SYT6: variants seen among roughly 807,000 people sequenced by gnomAD.
SYT6 encodes synaptotagmin 6, also known as synaptotagmin-6.
In SYT6, 24 loss-of-function variants were observed where a neutral mutation model predicts 38.4. The observed-to-expected ratio is 0.62, with a 90% CI of 0.45 to 0.88. The LOEUF is 0.88. SYT6 is among the 40% of genes least tolerant of loss of function. The pLI, the probability that SYT6 is intolerant of heterozygous loss-of-function variation, is 0.00. For synonymous variants in SYT6, 265 were observed against 241.9 expected (o/e 1.10, Z -0.89); for missense variants, 611 against 621.0 (o/e 0.98, Z 0.17).
At chr1:114,143,261 C>G (rs1439605770) in intron 1 of SYT6, among the ~76,000 whole-genome samples, 1 of 148,282 alleles carries the variant, frequency 6.7e-6, no homozygotes, top group Non-Finnish European at 1.5e-5. Context: ...ATAAAATATA[C>G]TTTAGTCTAT....
chr1:114,137,693 G>A lies in SYT6; in HGVS notation c.873C>T (p.Asn291=), dbSNP rs149048798. 7.7e-4 allele frequency: 1,239 copies of A among 1,613,918 alleles called. 10 individuals carry two copies. In the African/African-American group the frequency reaches 0.015, roughly 19 times the overall value. The change falls in exon 3 of 8, where the codon AAC becomes AAT. Residue 291 remains asparagine, a synonymous_variant. Transcript: ENST00000610222. Reference sequence around the variant, plus strand: ...AGTGGAAGTTCTCATCAAAGGTGGGGTTCAGGGTCTTGCGGTGCACCCGGG... The same window carrying A: ...AGTGGAAGTTCTCATCAAAGGTGGGATTCAGGGTCTTGCGGTGCACCCGGG... The part of the protein sequence containing the change: ...LQTRVHRKTL[N]PTFDENFHFP...
At chr1:114,132,858 T>G (rs1678234545) in intron 3 of SYT6, among the ~76,000 whole-genome samples, 1 of 152,208 alleles carries the variant, frequency 6.6e-6, no homozygotes, top group Admixed American at 6.5e-5. Flanking sequence ...AAGCCATTAT[T>G]AATCCCCATC....
rs893985774 is a variant in SYT6, at chr1:114,103,726, A to G, written c.1072-5T>C. On this transcript the variant is annotated splice_region_variant and splice_polypyrimidine_tract_variant and intron_variant, in intron 3 of 7. Transcript: ENST00000610222. ...CTCTCCCAAGTCCACGCTTTCCTGC[A>G]AAGAAGCACACAAGAGGGCAGATGA... is the stretch of plus-strand genomic sequence containing the variant. The G allele has an allele frequency of 3.7e-6, 6 of 1,612,750 alleles. No homozygotes were observed. Among genetic ancestry groups the G allele is most frequent in the Non-Finnish European group, 5.1e-6 (6 of 1,179,410 alleles).
chr1:114,098,397 T>G (rs1675775559), intron 5 of SYT6, among the ~76,000 whole-genome samples: 1 of 152,204 alleles, frequency 6.6e-6, no homozygotes, highest in Admixed American at 6.5e-5. Flanking sequence ...TCTTTCTCCT[T>G]TAGCTAAAGT....
intron 3 of SYT6, among the ~76,000 whole-genome samples, chr1:114,112,952 T>C (rs772619035): frequency 2.0e-5 from 3 of 152,136 alleles, no homozygotes; most frequent in Non-Finnish European, 4.4e-5. Context: ...TTGGTCCTGG[T>C]TTCCTGATGA....
intron 3 of SYT6, among the ~76,000 whole-genome samples, chr1:114,121,556 C>T (rs929496788): frequency 3.9e-5 from 6 of 152,088 alleles, no homozygotes; most frequent in Admixed American, 6.5e-5. Flanking sequence ...TATAGTGAAA[C>T]GTATTTTTTG....
chr1:114,113,096 T>C (rs1676783075), intron 3 of SYT6, among the ~76,000 whole-genome samples: 1 of 152,198 alleles, frequency 6.6e-6, no homozygotes, highest in Non-Finnish European at 1.5e-5. Context: ...CATCATCTCT[T>C]TGGGGACAGT....
Position 114,146,856 on chromosome 1 carries a change from A to T in SYT6, c.163+6754T>A, listed in dbSNP as rs145073015. Among the ~76,000 whole-genome samples the T allele has an allele frequency of 6.7e-4, 102 of 152,290 alleles. 1 individual carries two copies. Among genetic ancestry groups the T allele is most frequent in the African/African-American group, 2.3e-3 (97 of 41,558 alleles). On this transcript the variant is annotated intron_variant, in intron 1 of 7. Transcript: ENST00000610222. ...CTCAGCCTCAGTTTCCTCATCTATAAATTGGGGGTAATAATAGTATCTACC... is the reference window on the plus strand; with the variant it reads ...CTCAGCCTCAGTTTCCTCATCTATATATTGGGGGTAATAATAGTATCTACC...
rs558083441 is a variant in SYT6 at position 114,143,522 on chromosome 1, G to A, written c.164-3559C>T. Among the ~76,000 whole-genome samples the A allele has an allele frequency of 4.9e-3, 715 of 147,334 alleles. 5 individuals are homozygous for A. The highest frequency in any genetic ancestry group is 8.2e-3 in the Non-Finnish European group (554 of 67,208). On this transcript the variant is annotated intron_variant, in intron 1 of 7. Transcript: ENST00000610222. Reference sequence around the variant, plus strand: ...TATAAGTTATATATAACTTATATGTGTATATATACATATAAGTTATATATA... The same window carrying A: ...TATAAGTTATATATAACTTATATGTATATATATACATATAAGTTATATATA...
At chr1:114,119,253 TCCC>T (rs1677223464) in intron 3 of SYT6, among the ~76,000 whole-genome samples, 1 of 152,168 alleles carries the variant, frequency 6.6e-6, no homozygotes, top group South Asian at 2.1e-4. Context: ...GTTTTCCAGC[TCCC>T]AGGCTAAGCT....
At chr1:114,114,033 C>G (rs1676846998) in intron 3 of SYT6, among the ~76,000 whole-genome samples, 1 of 152,178 alleles carries the variant, frequency 6.6e-6, no homozygotes, top group South Asian at 2.1e-4. Context: ...TTCTCTTCCT[C>G]TGATTGACCG....
chr1:114,096,981 TA>T (rs1230136327), intron 6 of SYT6, among the ~76,000 whole-genome samples: 1 of 152,212 alleles, frequency 6.6e-6, no homozygotes, highest in Non-Finnish European at 1.5e-5. Context: ...TACAGGATCC[TA>T]AGTCGGTGGG....
rs621550 is a variant in SYT6, at chr1:114,093,759, C to T, written c.*27G>A. Reference sequence around the variant, plus strand: ...CTCCTAACTCCAGGTGGCAGTCTCTCTGCTTGCAGCATCCACGTGAATGAA... The same window carrying T: ...CTCCTAACTCCAGGTGGCAGTCTCTTTGCTTGCAGCATCCACGTGAATGAA... On this transcript the variant is annotated 3_prime_UTR_variant, in exon 7 of 8. Coordinates refer to ENST00000610222, the MANE Select transcript of SYT6 (RefSeq NM_001253772.2). 3 of 1,613,924 alleles carry T rather than the reference C, an allele frequency of 1.9e-6. No individual in the cohort carries two copies. Among genetic ancestry groups the T allele is most frequent in the Non-Finnish European group, 2.5e-6 (3 of 1,179,978 alleles).
intron 1 of SYT6, among the ~76,000 whole-genome samples, chr1:114,146,990 C>T (rs781100643): frequency 1.2e-4 from 18 of 152,174 alleles, no homozygotes; most frequent in Non-Finnish European, 2.6e-4. Context: ...ATTAGTTATG[C>T]CCAGCCCAAT....
chr1:114,096,493 T>C (rs957247734), intron 6 of SYT6, among the ~76,000 whole-genome samples: 4 of 152,218 alleles, frequency 2.6e-5, no homozygotes, highest in African/African-American at 4.8e-5. Flanking sequence ...TCAATTAGCC[T>C]GTCCTCCATC....
At chr1:114,135,579 G>A (rs944606483) in intron 3 of SYT6, among the ~76,000 whole-genome samples, 1 of 152,168 alleles carries the variant, frequency 6.6e-6, no homozygotes, top group Non-Finnish European at 1.5e-5. Context: ...CAGAAGCCAG[G>A]TGGGGGAAGT....
intron 3 of SYT6, among the ~76,000 whole-genome samples, chr1:114,115,358 G>T (rs1295829996): frequency 6.6e-6 from 1 of 152,082 alleles, no homozygotes; most frequent in Non-Finnish European, 1.5e-5. Context: ...AAAGTCAAGA[G>T]AGGAGGAGAT....
rs182961881 is a variant in SYT6 at position 114,108,804 on chromosome 1, A to G, written c.1072-5083T>C. 2.0e-5 allele frequency among the ~76,000 whole-genome samples: 3 copies of G among 152,332 alleles called. No homozygotes were observed. In the East Asian group the frequency reaches 5.8e-4, roughly 29 times the overall value. On this transcript the variant is annotated intron_variant, in intron 3 of 7. Transcript: ENST00000610222. Reference sequence around the variant, plus strand: ...CAGTGCCTGTGAGTCCATCTTGGGAATGCAGGCTAAGCAAAGCAAGAACAA... The same window carrying G: ...CAGTGCCTGTGAGTCCATCTTGGGAGTGCAGGCTAAGCAAAGCAAGAACAA...
intron 3 of SYT6, among the ~76,000 whole-genome samples, chr1:114,110,123 A>G (rs1184740149): frequency 6.6e-6 from 1 of 152,080 alleles, no homozygotes; most frequent in East Asian, 1.9e-4. Context: ...ACAATGGGAG[A>G]CTGGCTCTAC....
Sources: gnomAD v4.1 joint callset for allele counts (sites outside exome capture counted in the v4.1 genomes callset) on GRCh38, gnomAD v4.1.1 for gene constraint, MANE v1.5 for transcripts, NCBI Gene and HGNC (gene_info 2026-07-23, HGNC 2026-07-21) for gene names.